The following ADGB variants were observed in gnomAD, a reference collection of about 807,000 sequenced individuals.
ADGB encodes androglobin, also known as calpain-7-like protein.
Under a neutral mutation model 210.5 loss-of-function variants are expected in ADGB, and 172 were observed. That is an observed-to-expected ratio of 0.82 (90% CI 0.72 to 0.93). The LOEUF (loss-of-function observed/expected upper bound fraction) is 0.93. Ranked by LOEUF, ADGB falls within the 40% of genes least tolerant of loss-of-function variation. The pLI, the probability that ADGB is intolerant of heterozygous loss-of-function variation, is 0.00. For synonymous variants in ADGB, 658 were observed against 662.7 expected (o/e 0.99, Z 0.11); for missense variants, 2,025 against 1,964.8 (o/e 1.03, Z -0.58).
At chr6:146,814,250 T>C (rs1193063898) in intron 35 of ADGB, among the ~76,000 whole-genome samples, 1 of 152,238 alleles carries the variant, frequency 6.6e-6, no homozygotes, top group African/African-American at 2.4e-5. Context: ...AGCAGTCATC[T>C]CTAGAAGAGT....
At chr6:146,709,397 GA>G (rs1417586724) in intron 13 of ADGB, among the ~76,000 whole-genome samples, 1 of 152,206 alleles carries the variant, frequency 6.6e-6, no homozygotes, top group Non-Finnish European at 1.5e-5. Context: ...AGATCATCTA[GA>G]GATTCCTGGC....
chr6:146,806,880 A>G (rs191076292), intron 35 of ADGB, among the ~76,000 whole-genome samples: 83 of 152,334 alleles, frequency 5.4e-4, no homozygotes, highest in African/African-American at 1.7e-3. Flanking sequence ...TAAGAACAGT[A>G]AATGATCTTG....
intron 17 of ADGB, among the ~76,000 whole-genome samples, chr6:146,722,463 T>C (rs1776832427): frequency 6.6e-6 from 1 of 152,148 alleles, no homozygotes; most frequent in Non-Finnish European, 1.5e-5. Flanking sequence ...TTGATGCATA[T>C]CCAACCCACA....
chr6:146,774,281 A>C (rs758853121), intron 29 of ADGB, among the ~76,000 whole-genome samples: 5 of 152,206 alleles, frequency 3.3e-5, no homozygotes, highest in Admixed American at 6.5e-5. Context: ...CATGAAATAC[A>C]ATAATGTAAA....
chr6:146,637,636 A>C (rs1042447860), intron 2 of ADGB, among the ~76,000 whole-genome samples: 2 of 152,044 alleles, frequency 1.3e-5, no homozygotes, highest in Non-Finnish European at 2.9e-5. Flanking sequence ...CAGCCCTACC[A>C]AATCCTGAAA....
At chr6:146,802,874 T>A in intron 35 of ADGB, 1 of 1,610,410 alleles carries the variant, frequency 6.2e-7, no homozygotes, top group Non-Finnish European at 8.5e-7. Context: ...AAGATGGTTT[T>A]CCTGTTCCCA....
chr6:146,807,823 A>G (rs1778235259), intron 35 of ADGB: 1 of 312,432 alleles, frequency 3.2e-6, no homozygotes, highest in East Asian at 6.7e-5. Flanking sequence ...GTAATAAAAT[A>G]TATGTTTGAC....
intron 8 of ADGB, among the ~76,000 whole-genome samples, chr6:146,672,677 C>T (rs1305846910): frequency 2.6e-5 from 4 of 151,230 alleles, no homozygotes; most frequent in Non-Finnish European, 5.9e-5. Context: ...CAGAGTAGGG[C>T]ATCTTCAGCA....
intron 26 of ADGB, among the ~76,000 whole-genome samples, chr6:146,748,716 C>T (rs552147223): frequency 2.2e-4 from 34 of 152,224 alleles, no homozygotes; most frequent in Non-Finnish European, 3.5e-4. Flanking sequence ...GCTGATACTA[C>T]GGGCACATGC....
intron 1 of ADGB, among the ~76,000 whole-genome samples, chr6:146,625,820 G>C (rs1312547415): frequency 6.6e-6 from 1 of 151,934 alleles, no homozygotes; most frequent in Non-Finnish European, 1.5e-5. Flanking sequence ...TGTGTTGCTA[G>C]CAATGCAAGA....
rs1165123135 is a variant in ADGB at position 146,643,103 on chromosome 6, G to T, written c.238-1670G>T. Among the ~76,000 whole-genome samples, 3 of 151,864 alleles carry T rather than the reference G, an allele frequency of 2.0e-5. No homozygotes were observed. In the South Asian group the frequency reaches 6.2e-4, roughly 31 times the overall value. ...GGGAAAATGATGTGGGGAAACCCCA[G>T]AAGTGTAGCAACAGCTCCTGGAAAT... On this transcript the variant is annotated intron_variant, in intron 2 of 35. Transcript: ENST00000397944.
intron 31 of ADGB, among the ~76,000 whole-genome samples, chr6:146,785,123 T>C (rs551190103): frequency 6.6e-6 from 1 of 152,228 alleles, no homozygotes; most frequent in South Asian, 2.1e-4. Flanking sequence ...CATTCAAATG[T>C]TTAATATGTG....
intron 30 of ADGB, among the ~76,000 whole-genome samples, chr6:146,782,624 C>T (rs918252122): frequency 3.9e-5 from 6 of 152,032 alleles, no homozygotes; most frequent in African/African-American, 7.3e-5. Context: ...CGTGATGAGG[C>T]GAAAACTCAA....
chr6:146,756,290 C>T (rs979721349), intron 27 of ADGB, among the ~76,000 whole-genome samples: 3 of 152,104 alleles, frequency 2.0e-5, no homozygotes, highest in Non-Finnish European at 2.9e-5. Flanking sequence ...TACCATTCTC[C>T]CCAGAGCTTT....
At chr6:146,610,828 C>T (rs1780697778) in intron 1 of ADGB, among the ~76,000 whole-genome samples, 1 of 152,134 alleles carries the variant, frequency 6.6e-6, no homozygotes, top group Non-Finnish European at 1.5e-5. Context: ...CATAAATGTG[C>T]ACTGGTGGTA....
At chr6:146,808,076 T>G (rs900362157) in intron 35 of ADGB, among the ~76,000 whole-genome samples, 1 of 145,342 alleles carries the variant, frequency 6.9e-6, no homozygotes, top group African/African-American at 2.5e-5. Flanking sequence ...CTCGGCTCTC[T>G]GCAACCTCTG....
chr6:146,670,679 A>T (rs2114900882), intron 7 of ADGB, among the ~76,000 whole-genome samples: 1 of 152,280 alleles, frequency 6.6e-6, no homozygotes, highest in Non-Finnish European at 1.5e-5. Context: ...TGTTTTATCC[A>T]ACCATTGGAT....
intron 3 of ADGB, among the ~76,000 whole-genome samples, chr6:146,645,197 A>G (rs1183696325): frequency 6.6e-6 from 1 of 151,992 alleles, no homozygotes; most frequent in Non-Finnish European, 1.5e-5. Flanking sequence ...TTGCATGAAC[A>G]TTCATAGCAT....
At chr6:146,779,804 C>G (rs1180903543) in intron 29 of ADGB, among the ~76,000 whole-genome samples, 1 of 150,494 alleles carries the variant, frequency 6.6e-6, no homozygotes, top group African/African-American at 2.4e-5. Flanking sequence ...CAAACCGAAG[C>G]AGTTTGTTTT....
Sources: gnomAD v4.1 joint callset for allele counts (sites outside exome capture counted in the v4.1 genomes callset) on GRCh38, gnomAD v4.1.1 for gene constraint, MANE v1.5 for transcripts, NCBI Gene and HGNC (gene_info 2026-07-23, HGNC 2026-07-21) for gene names.